TICAM1: variants seen among roughly 807,000 people sequenced by gnomAD.
TICAM1 encodes TIR domain-containing adapter molecule 1.
For missense variants in TICAM1, 895 were observed against 938.2 expected (o/e 0.95, Z 0.60); for synonymous variants, 439 against 415.4 (o/e 1.06, Z -0.69).
chr19:4,823,778 G>A (rs1195481943), intron 1 of TICAM1, among the ~76,000 whole-genome samples: 4 of 152,150 alleles, frequency 2.6e-5, no homozygotes, highest in Non-Finnish European at 4.4e-5. Context: ...ACAACACCTC[G>A]ATCTTGGACT....
intron 1 of TICAM1, among the ~76,000 whole-genome samples, chr19:4,827,025 T>A (rs1031901052): frequency 2.6e-5 from 4 of 151,156 alleles, no homozygotes; most frequent in African/African-American, 9.7e-5. Context: ...ATAATAATAA[T>A]AAAATAATGC....
rs149930656 is a variant in TICAM1 at position 4,818,197 on chromosome 19, G to A, written c.181C>T (p.Leu61=). The A allele has an allele frequency of 2.9e-4, 474 of 1,612,430 alleles. 1 individual carries two copies. The highest frequency in any genetic ancestry group is 3.7e-4 in the Non-Finnish European group (431 of 1,179,928). ...LGQETEARIS[L]EALKADAVAR... ...ACCGCATCGGCCTTCAATGCCTCTA[G>A]AGAGATCCTGGCCTCAGTTTCCTGG... The change falls in exon 2 of 2, where the codon CTA becomes TTA. Residue 61 remains leucine (L), a synonymous_variant. Coordinates refer to ENST00000248244, the MANE Select transcript of TICAM1 (RefSeq NM_182919.4). This position sits in a 1 kb window ranked among gnomAD's most constrained non-coding sequence, Gnocchi z 4.0.
At chr19:4,829,662 C>A (rs1018139877) in intron 1 of TICAM1, among the ~76,000 whole-genome samples, 1 of 151,864 alleles carries the variant, frequency 6.6e-6, no homozygotes, top group African/African-American at 2.4e-5. Flanking sequence ...AGCTTTCATG[C>A]GAAAATATGG....
intron 1 of TICAM1, among the ~76,000 whole-genome samples, chr19:4,826,449 C>T (rs1002164935): frequency 1.3e-5 from 2 of 152,038 alleles, no homozygotes; most frequent in Admixed American, 1.3e-4. Context: ...CTCAGCCTTC[C>T]GGGTAGCTGG....
chr19:4,817,963 C>T lies in TICAM1; in HGVS notation c.415G>A (p.Glu139Lys). The T allele has an allele frequency of 6.2e-7, 1 of 1,613,640 alleles. No individual in the cohort carries two copies. The highest frequency in any genetic ancestry group is 8.5e-7 in the Non-Finnish European group (1 of 1,179,930). The change falls in exon 2 of 2, where the codon GAG becomes AAG. Residue 139 changes from glutamate (E) to lysine (K), a missense_variant. Physicochemically the swap from Glu to Lys is moderately conservative, Grantham distance 56 (BLOSUM62 1). Transcript: ENST00000248244. This position sits in a 1 kb window ranked among gnomAD's most constrained non-coding sequence, Gnocchi z 4.7. The part of the protein sequence containing the change: ...DDHRLGELQD[E>K]ARNRCGWDIA... ...TCCCACCCACACCGGTTTCGGGCCT[C>T]ATCCTGAAGTTCCCCCAGCCGGTGG...
In TICAM1 at chr19:4,817,983, C is replaced by G. The variant is rs755557071; in HGVS notation, c.395G>C (p.Arg132Pro). ...GGCCTCATCCTGAAGTTCCCCCAGC[C>G]GGTGGTCGTCCCTGGAGCTGAGGGT... Reference protein sequence around the residue: ...VRTLSSRDDHRLGELQDEARN... With the variant: ...VRTLSSRDDHPLGELQDEARN... Residue 132 changes from arginine (R) to proline (P), a missense_variant, in exon 2 of 2, where the codon CGG becomes CCG. Coordinates refer to ENST00000248244, the MANE Select transcript of TICAM1 (RefSeq NM_182919.4). This position sits in a 1 kb window ranked among gnomAD's most constrained non-coding sequence, Gnocchi z 4.7. 6.2e-7 allele frequency: 1 copy of G among 1,612,912 alleles called. No individual in the cohort carries two copies. The highest frequency in any genetic ancestry group is 1.3e-5 in the African/African-American group (1 of 74,942).
At chr19:4,821,562 C>T (rs900080684) in intron 1 of TICAM1, among the ~76,000 whole-genome samples, 26 of 152,092 alleles carry the variant, frequency 1.7e-4, no homozygotes, top group Non-Finnish European at 3.1e-4. Context: ...CTCCCTTACC[C>T]TCCTTCATGT....
chr19:4,826,818 G>A (rs1479377121), intron 1 of TICAM1, among the ~76,000 whole-genome samples: 1 of 152,030 alleles, frequency 6.6e-6, no homozygotes, highest in Non-Finnish European at 1.5e-5. Flanking sequence ...AGAATCCACT[G>A]AGCTTTTTGG....
chr19:4,816,996 T>G lies in TICAM1; in HGVS notation c.1382A>C (p.Asp461Ala). Residue 461 changes from aspartate (D) to alanine (A), a missense_variant, in exon 2 of 2, where the codon GAC (aspartate) becomes GCC (alanine). Physicochemically the swap from Asp to Ala is moderately radical, Grantham distance 126. Transcript: ENST00000248244. The surrounding 1 kb of genome is among the most constrained non-coding windows in gnomAD (Gnocchi z 4.3). Reference protein sequence around the residue: ...FIILLLTSNFDCRLSLHQVNQ... With the variant: ...FIILLLTSNFACRLSLHQVNQ... ...CACCTGGTGCAGGCTCAGGCGACAG[T>G]CGAAGTTGGAGGTGAGAAGTAGGAT... 6.2e-7 allele frequency: 1 copy of G among 1,613,912 alleles called. No homozygotes were observed. The highest frequency in any genetic ancestry group is 8.5e-7 in the Non-Finnish European group (1 of 1,179,978).
At chr19:4,827,626 C>A (rs1222201889) in intron 1 of TICAM1, among the ~76,000 whole-genome samples, 1 of 151,310 alleles carries the variant, frequency 6.6e-6, no homozygotes. Context: ...GGTGTGGTGG[C>A]GGGCACCTGT....
chr19:4,830,541 G>A lies in TICAM1; in HGVS notation c.-140+1073C>T, dbSNP rs141334102. Among the ~76,000 whole-genome samples, 7 of 152,154 alleles carry A rather than the reference G, an allele frequency of 4.6e-5. No homozygotes were observed. In the East Asian group the frequency reaches 7.7e-4, roughly 17 times the overall value. On this transcript the variant is annotated intron_variant, in intron 1 of 1. Transcript: ENST00000248244. ...ACTCTCATGCAGCCTTTCATGCATC[G>A]AATATGCATTTATTGAGCACCTACT...
chr19:4,827,372 CAAAAAAAAAAAAAAAAA>C (rs57574607), intron 1 of TICAM1, among the ~76,000 whole-genome samples: 3 of 54,174 alleles, frequency 5.5e-5, no homozygotes, highest in Non-Finnish European at 9.8e-5. Context: ...ACTCTGTCTC[CAAAAAAAAAAAAAAAAA>C]AAAAAAAAAA....
At chr19:4,825,134 G>A (rs867756201) in intron 1 of TICAM1, among the ~76,000 whole-genome samples, 15 of 151,954 alleles carry the variant, frequency 9.9e-5, no homozygotes, top group Middle Eastern at 3.2e-3. Flanking sequence ...CAAAAAATTA[G>A]CCGGGTGTGG....
Position 4,817,975 on chromosome 19 carries a change from C to G in TICAM1, c.403G>C (p.Glu135Gln), listed in dbSNP as rs891500607. The change falls in exon 2 of 2, where the codon GAA (glutamate) becomes CAA (glutamine). Residue 135 changes from glutamate to glutamine, a missense_variant. Transcript: ENST00000248244. This position sits in a 1 kb window ranked among gnomAD's most constrained non-coding sequence, Gnocchi z 4.7. The part of the protein sequence containing the change: ...LSSRDDHRLG[E>Q]LQDEARNRCG... The stretch of plus-strand genomic sequence containing the variant: ...CGGTTTCGGGCCTCATCCTGAAGTT[C>G]CCCCAGCCGGTGGTCGTCCCTGGAG... The G allele has an allele frequency of 6.2e-7, 1 of 1,613,180 alleles. No homozygotes were observed. The highest frequency in any genetic ancestry group is 1.3e-5 in the African/African-American group (1 of 75,056).
intron 1 of TICAM1, among the ~76,000 whole-genome samples, chr19:4,824,330 T>A (rs1045175038): frequency 1.7e-3 from 157 of 93,484 alleles, no homozygotes; most frequent in African/African-American, 9.7e-3. Context: ...TTTTATCCAA[T>A]TTTTTTTTTT....
At chr19:4,824,044 T>A (rs553702459) in intron 1 of TICAM1, among the ~76,000 whole-genome samples, 1 of 152,212 alleles carries the variant, frequency 6.6e-6, no homozygotes, top group Admixed American at 6.6e-5. Context: ...AGTCTTGCTC[T>A]GTCGCCCAAG....
chr19:4,817,728 A>G lies in TICAM1; in HGVS notation c.650T>C (p.Phe217Ser). 6.2e-7 allele frequency: 1 copy of G among 1,601,310 alleles called. No homozygotes were observed. The change falls in exon 2 of 2, where the codon TTC becomes TCC. Residue 217 changes from phenylalanine (F) to serine (S), a missense_variant. Physicochemically the swap from Phe to Ser is radical, Grantham distance 155. Coordinates refer to ENST00000248244, the MANE Select transcript of TICAM1 (RefSeq NM_182919.4). The surrounding 1 kb of genome is among the most constrained non-coding windows in gnomAD (Gnocchi z 4.7). ...ATGTGGGCTGCGGTGCAGGCTGAGG[A>G]AGGGCATGGTAGGGGACTGGCTGAT... ...LEISQSPTMP[F>S]LSLHRSPHGP... is the part of the protein sequence containing the mutation.
intron 1 of TICAM1, among the ~76,000 whole-genome samples, chr19:4,822,630 G>A (rs79027887): frequency 6.6e-6 from 1 of 152,276 alleles, no homozygotes; most frequent in Non-Finnish European, 1.5e-5. Flanking sequence ...CTAGAGTGAT[G>A]GAGTAGCTAC....
chr19:4,816,510 G>A lies in TICAM1; in HGVS notation c.1868C>T (p.Thr623Ile), dbSNP rs113327885. ...TGGCGGCTGCGGGCACCCCGGCCAA[G>A]TGGGAAAGGGTGGCGGGGCTCCCAG... is the stretch of plus-strand genomic sequence containing the variant. Reference protein sequence around the residue: ...VPLGAPPPFPTWPGCPQPPPL... With the variant: ...VPLGAPPPFPIWPGCPQPPPL... Residue 623 changes from threonine (T) to isoleucine (I), a missense_variant, in exon 2 of 2, where the codon ACT becomes ATT. By Grantham distance (89) the Thr-to-Ile change is moderately conservative. Transcript: ENST00000248244. This position sits in a 1 kb window ranked among gnomAD's most constrained non-coding sequence, Gnocchi z 4.3. The A allele has an allele frequency of 1.5e-5, 24 of 1,587,752 alleles. No individual in the cohort carries two copies. In the African/African-American group the frequency reaches 2.4e-4, roughly 16 times the overall value.
Sources: allele counts gnomAD v4.1 joint callset (sites outside exome capture counted in the v4.1 genomes callset), GRCh38; gene constraint gnomAD v4.1.1; non-coding constraint Gnocchi (gnomAD v3.1); transcripts MANE v1.5; gene names NCBI Gene and HGNC (gene_info 2026-07-23, HGNC 2026-07-21).